ZNF20: variants seen among roughly 807,000 people sequenced by gnomAD.
ZNF20 encodes zinc finger protein KOX13.
In ZNF20, 9 loss-of-function variants were observed where a neutral mutation model predicts 11.0. That is an observed-to-expected ratio of 0.82 (90% CI 0.49 to 1.43). ZNF20 has a LOEUF of 1.43. Among genes scored for constraint, ZNF20 ranks in the 40% most tolerant of loss-of-function variants. The probability of loss-of-function intolerance (pLI) is 0.00; values close to 1 mark genes in which losing one functional copy is unlikely to be tolerated. For synonymous variants in ZNF20, 182 were observed against 213.0 expected (o/e 0.85, Z 1.27); for missense variants, 528 against 640.8 (o/e 0.82, Z 1.90).
rs1209688116 is a variant in ZNF20 at position 12,132,510 on chromosome 19, A to C, written c.*77T>G. The C allele has an allele frequency of 3.5e-6, 5 of 1,429,580 alleles. No homozygotes were observed. The Admixed American group carries it at 9.3e-5, about 27-fold the overall frequency. The allele number at this position is 1,429,580 out of a possible 1,614,324, so 88.6% of individuals were successfully genotyped here. On this transcript the variant is annotated 3_prime_UTR_variant, in exon 4 of 4. Coordinates refer to ENST00000334213, the MANE Select transcript of ZNF20 (RefSeq NM_021143.4). ...AAAGCAGTTATCCAGAGGTTCTTTCACCACTCTCTTTTCTTGTGTTTCAAA... is the reference window on the plus strand; with the variant it reads ...AAAGCAGTTATCCAGAGGTTCTTTCCCCACTCTCTTTTCTTGTGTTTCAAA...
In ZNF20 at chr19:12,133,746, T is replaced by G; in HGVS notation, c.440A>C (p.Glu147Ala). Residue 147 changes from glutamate (E) to alanine (A), a missense_variant, in exon 4 of 4, where the codon GAA becomes GCA. Coordinates refer to ENST00000334213, the MANE Select transcript of ZNF20 (RefSeq NM_021143.4). ...AAGATAACTGAAGGCTTTCTTACAT[T>G]CCTTATTTCTATATGGATTCTCTCC... is the stretch of plus-strand genomic sequence containing the variant. ...EYGENPYRNKECKKAFSYLDS... is the reference protein window; with the variant it reads ...EYGENPYRNKACKKAFSYLDS... 6.2e-7 allele frequency: 1 copy of G among 1,614,156 alleles called. No individual in the cohort carries two copies. Among genetic ancestry groups the G allele is most frequent in the Non-Finnish European group, 8.5e-7 (1 of 1,180,016 alleles).
At chr19:12,134,337 AAAAAT>A (rs1976676314) in intron 3 of ZNF20, among the ~76,000 whole-genome samples, 1 of 151,636 alleles carries the variant, frequency 6.6e-6, no homozygotes, top group Non-Finnish European at 1.5e-5. Context: ...AAAAAAATAA[AAAAAT>A]AAAAAAGTGA....
intron 1 of ZNF20, 130 bp downstream of exon 1, chr19:12,140,050 G>C: frequency 2.4e-6 from 3 of 1,264,358 alleles, no homozygotes; most frequent in Non-Finnish European, 3.3e-6. Flanking sequence ...GCAGGGACGA[G>C]CTGAGACAGA....
chr19:12,138,923 G>A (rs1396514370), intron 1 of ZNF20, among the ~76,000 whole-genome samples: 1 of 152,226 alleles, frequency 6.6e-6, no homozygotes, highest in African/African-American at 2.4e-5. Flanking sequence ...GCAAACTGCT[G>A]AAGAGTTAGG....
In ZNF20 at chr19:12,133,145, G is replaced by A. The variant is rs374093683; in HGVS notation, c.1041C>T (p.Ala347=). Residue 347 remains alanine, a synonymous_variant, in exon 4 of 4, where the codon GCC becomes GCT. Transcript: ENST00000334213. Reference sequence around the variant, plus strand: ...TTTGAAGGTCCGAGGTACATCTGAAGGCTTTACCACATTGCCTACATTCAT... The same window carrying A: ...TTTGAAGGTCCGAGGTACATCTGAAAGCTTTACCACATTGCCTACATTCAT... ...KPYECRQCGK[A]FRCTSDLQRH... The A allele has an allele frequency of 2.3e-5, 37 of 1,612,476 alleles. No homozygotes were observed. In the African/African-American group the frequency reaches 4.2e-4, roughly 18 times the overall value.
Position 12,140,281 on chromosome 19 carries a change from A to C in ZNF20, c.-99T>G. On this transcript the variant is annotated 5_prime_UTR_variant, in exon 1 of 4. Coordinates refer to ENST00000334213, the MANE Select transcript of ZNF20 (RefSeq NM_021143.4). Reference sequence around the variant, plus strand: ...GAGCGACAGAAGTTGTGGCAGAGGGACCCGGGGCCTCTCGGAGTAGGAAAT... The same window carrying C: ...GAGCGACAGAAGTTGTGGCAGAGGGCCCCGGGGCCTCTCGGAGTAGGAAAT... 1 of 1,481,560 alleles carries C rather than the reference A, an allele frequency of 6.7e-7. No homozygotes were observed. Among genetic ancestry groups the C allele is most frequent in the Non-Finnish European group, 9.2e-7 (1 of 1,081,476 alleles). 91.8% of individuals were successfully genotyped at this position (1,481,560 alleles called of 1,614,324 possible).
chr19:12,133,067 C>T lies in ZNF20; in HGVS notation c.1119G>A (p.Gly373=). Residue 373 remains glycine, a synonymous_variant, in exon 4 of 4, where the codon GGG becomes GGA. Transcript: ENST00000334213. ...EDKPYGCKQC[G]KGFRCASQLQ... ...GTTGTGAAGCACATCTAAAGCCTTT[C>T]CCACACTGCTTACATCCATAGGGTT... The T allele has an allele frequency of 3.1e-6, 5 of 1,614,072 alleles. No individual in the cohort carries two copies. Among genetic ancestry groups the T allele is most frequent in the Non-Finnish European group, 4.2e-6 (5 of 1,180,000 alleles).
rs546457252 is a variant in ZNF20 at position 12,138,900 on chromosome 19, T to A, written c.3+1280A>T. Among the ~76,000 whole-genome samples the A allele has an allele frequency of 3.7e-4, 57 of 152,156 alleles. 1 individual carries two copies. The South Asian group carries it at 5.0e-3, about 13-fold the overall frequency. On this transcript the variant is annotated intron_variant, in intron 1 of 3. Transcript: ENST00000334213. Reference sequence around the variant, plus strand: ...GAGATGCGGAAAAGTAATTGAAAATTTAAGATGTTACTGCAAACTGCTGAA... The same window carrying A: ...GAGATGCGGAAAAGTAATTGAAAATATAAGATGTTACTGCAAACTGCTGAA...
In ZNF20 at chr19:12,139,008, T is replaced by C. The variant is rs1328092037; in HGVS notation, c.3+1172A>G. ...GGAGGAAGCCAGTCCCTATAGACAG[T>C]GTGAAAAAATTTAAAGCAGCAGCAA... On this transcript the variant is annotated intron_variant, in intron 1 of 3. Coordinates refer to ENST00000334213, the MANE Select transcript of ZNF20 (RefSeq NM_021143.4). This position sits in a 1 kb window ranked among gnomAD's most constrained non-coding sequence, Gnocchi z 4.0. Among the ~76,000 whole-genome samples the C allele has an allele frequency of 4.6e-5, 7 of 152,022 alleles. No individual in the cohort carries two copies. The highest frequency in any genetic ancestry group is 6.6e-5 in the Admixed American group (1 of 15,256).
At position 12,133,857 on chromosome 19, in the gene ZNF20, C is replaced by T; in HGVS notation, c.329G>A (p.Cys110Tyr). The T allele has an allele frequency of 6.2e-7, 1 of 1,614,238 alleles. No individual in the cohort carries two copies. Among genetic ancestry groups the T allele is most frequent in the South Asian group, 1.1e-5 (1 of 91,088 alleles). ...PGITPCESSVCGEVGTGHSSL... is the reference protein window; with the variant it reads ...PGITPCESSVYGEVGTGHSSL... ...TGAATGACCCGTGCCAACTTCTCCACACACACTGCTTTCACATGGTGTTAT... is the reference window on the plus strand; with the variant it reads ...TGAATGACCCGTGCCAACTTCTCCATACACACTGCTTTCACATGGTGTTAT... The change falls in exon 4 of 4, where the codon TGT becomes TAT. Residue 110 changes from cysteine to tyrosine, a missense_variant. Transcript: ENST00000334213.
chr19:12,133,397 T>G lies in ZNF20; in HGVS notation c.789A>C (p.Ala263=), dbSNP rs753847435. The G allele has an allele frequency of 1.9e-5, 30 of 1,614,184 alleles. No homozygotes were observed. The highest frequency in any genetic ancestry group is 2.5e-5 in the Non-Finnish European group (29 of 1,179,994). The change falls in exon 4 of 4, where the codon GCA becomes GCC. Residue 263 remains alanine, a synonymous_variant. Transcript: ENST00000334213. ...TACGAATTTCACTAGGAAAACTGAA[T>G]GCATTCCCACATTCTTTACATTCAT... ...NADECKECGN[A]FSFPSEIRRH...
chr19:12,137,546 T>A (rs1190716116), intron 1 of ZNF20: 1 of 152,498 alleles, frequency 6.6e-6, no homozygotes, highest in African/African-American at 2.4e-5. Context: ...AACTAGCACC[T>A]GCTTGCTCCA....
In ZNF20 at chr19:12,134,802, A is replaced by T. The variant is rs137938423; in HGVS notation, c.200+698T>A. On this transcript the variant is annotated intron_variant, in intron 3 of 3. Transcript: ENST00000334213. The stretch of plus-strand genomic sequence containing the variant: ...ATGGTCTGGGTATATATATTTTTTT[A>T]AAATTAGTATTTCTATGGGGCTTTG... 2.8e-3 allele frequency among the ~76,000 whole-genome samples: 433 copies of T among 152,284 alleles called. 3 individuals are homozygous for T. The highest frequency in any genetic ancestry group is 9.4e-3 in the African/African-American group (391 of 41,556).
chr19:12,137,318 G>A (rs155956), intron 1 of ZNF20: 22,237 of 139,898 alleles, frequency 0.16, 2,777 homozygotes, highest in African/African-American at 0.36. Context: ...AAAAAAAAAA[G>A]AAGAAGAAGA....
At position 12,140,259 on chromosome 19, in the gene ZNF20, C is replaced by G; in HGVS notation, c.-77G>C. On this transcript the variant is annotated 5_prime_UTR_variant, in exon 1 of 4. Transcript: ENST00000334213. Reference sequence around the variant, plus strand: ...GCGGGTCACGGTGCAGGCGGCAGAGCGACAGAAGTTGTGGCAGAGGGACCC... The same window carrying G: ...GCGGGTCACGGTGCAGGCGGCAGAGGGACAGAAGTTGTGGCAGAGGGACCC... The G allele has an allele frequency of 6.4e-7, 1 of 1,565,312 alleles. No individual in the cohort carries two copies. Among genetic ancestry groups the G allele is most frequent in the Non-Finnish European group, 8.7e-7 (1 of 1,153,278 alleles).
chr19:12,135,399 C>T, intron 3 of ZNF20, 101 bp downstream of exon 3: 1 of 1,268,376 alleles, frequency 7.9e-7, no homozygotes, highest in Non-Finnish European at 1.1e-6. Flanking sequence ...CTCGACCTCC[C>T]AAAGTGCTGG....
chr19:12,139,328 C>T lies in ZNF20; in HGVS notation c.3+852G>A, dbSNP rs1031612286. On this transcript the variant is annotated intron_variant, in intron 1 of 3. Coordinates refer to ENST00000334213, the MANE Select transcript of ZNF20 (RefSeq NM_021143.4). This position sits in a 1 kb window ranked among gnomAD's most constrained non-coding sequence, Gnocchi z 4.0. ...GCCTTTGAGCCCCTGTGCTCAGCCC[C>T]GCTTGCACACTGTGGAGTGTTAAAT... Among the ~76,000 whole-genome samples, 1 of 152,216 alleles carries T rather than the reference C, an allele frequency of 6.6e-6. No individual in the cohort carries two copies. The highest frequency in any genetic ancestry group is 2.4e-5 in the African/African-American group (1 of 41,468).
At chr19:12,136,980 AT>A in intron 1 of ZNF20, 1 of 361,196 alleles carries the variant, frequency 2.8e-6, no homozygotes, top group Non-Finnish European at 5.4e-6. Context: ...ATGCATTTTC[AT>A]TATGGGTTTC....
chr19:12,132,009 T>A lies in ZNF20; in HGVS notation c.*578A>T, dbSNP rs557194000. ...GGAACAAGCTCCCATCTAGTTGGTT[T>A]AATCAAGAACAGGCTCGCTAATCCG... On this transcript the variant is annotated 3_prime_UTR_variant, in exon 4 of 4. Coordinates refer to ENST00000334213, the MANE Select transcript of ZNF20 (RefSeq NM_021143.4). 4.2e-4 allele frequency: 64 copies of A among 153,214 alleles called. No homozygotes were observed. The highest frequency in any genetic ancestry group is 1.5e-3 in the African/African-American group (62 of 41,562). The allele number at this position is 153,214 out of a possible 1,614,324, so 9.5% of individuals were successfully genotyped here. A position where few individuals can be genotyped will look rare whatever the true frequency, so the allele number is the denominator to read the frequency against.
Sources: gnomAD v4.1 joint callset for allele counts (sites outside exome capture counted in the v4.1 genomes callset) on GRCh38, gnomAD v4.1.1 for gene constraint, Gnocchi (gnomAD v3.1) non-coding constraint, MANE v1.5 for transcripts, NCBI Gene and HGNC (gene_info 2026-07-23, HGNC 2026-07-21) for gene names.